Variants in COL25A1 observed in about 807,000 individuals in gnomAD.
COL25A1 encodes collagen alpha-1(XXV) chain.
COL25A1 carries 103 observed loss-of-function variants against 128.4 expected under a neutral mutation model. The ratio of observed to expected loss-of-function variants is 0.80; its 90% confidence interval spans 0.68 to 0.94. The LOEUF is 0.94. Ranked by LOEUF, COL25A1 falls within the 40% of genes least tolerant of loss-of-function variation. The pLI is 0.00. For missense variants in COL25A1, 745 were observed against 840.0 expected (o/e 0.89, Z 1.40); for synonymous variants, 279 against 277.2 (o/e 1.01, Z -0.06).
chr4:108,981,653 G>A (rs2125997338), intron 6 of COL25A1, among the ~76,000 whole-genome samples: 1 of 152,298 alleles, frequency 6.6e-6, no homozygotes, highest in South Asian at 2.1e-4. Context: ...GATGCAGATT[G>A]AAATCCTGGC....
rs761941625 is a variant in COL25A1 at position 108,940,631 on chromosome 4, C to T, written c.580G>A (p.Ala194Thr). ...GGGCCAGGGGGTCCTGGAGGCCCTG[C>T]CTGTCCTTGGTCACCCTGTGATGGA... Reference protein sequence around the residue: ...RRLIKGDQGQAGPPGPPGPPG... With the variant: ...RRLIKGDQGQTGPPGPPGPPG... Residue 194 changes from alanine (A) to threonine (T), a missense_variant, in exon 10 of 38, where the codon GCA becomes ACA. Ala to Thr is a moderately conservative substitution (Grantham distance 58). Around this residue, in one of 3 missense-constraint regions of COL25A1, gnomAD observed 319 missense variants for 324.9 expected, o/e 0.98. Coordinates refer to ENST00000399132, the MANE Select transcript of COL25A1 (RefSeq NM_198721.4). 14 of 1,598,516 alleles carry T rather than the reference C, an allele frequency of 8.8e-6. No individual in the cohort carries two copies. The highest frequency in any genetic ancestry group is 1.3e-5 in the African/African-American group (1 of 74,458).
chr4:108,831,701 A>C (rs1258802986), intron 32 of COL25A1, among the ~76,000 whole-genome samples: 1 of 151,884 alleles, frequency 6.6e-6, no homozygotes, highest in Non-Finnish European at 1.5e-5. Flanking sequence ...AGAGAGAGAG[A>C]GAGAGAGAGA....
intron 3 of COL25A1, among the ~76,000 whole-genome samples, chr4:109,167,367 T>C (rs1773166982): frequency 6.6e-6 from 1 of 152,148 alleles, no homozygotes; most frequent in African/African-American, 2.4e-5. Context: ...TCCTCTGTAT[T>C]TTGGTCTCTA....
At chr4:108,814,021 G>T in intron 37 of COL25A1, 92 bp from the exon 38 acceptor site, 1 of 1,019,982 alleles carries the variant, frequency 9.8e-7, no homozygotes, top group Non-Finnish European at 1.5e-6. Context: ...AAAACTGGTA[G>T]AACCTTGAAT....
intron 11 of COL25A1, among the ~76,000 whole-genome samples, chr4:108,929,686 G>A (rs527507731): frequency 1.5e-4 from 23 of 152,092 alleles, no homozygotes; most frequent in Admixed American, 1.3e-3. Context: ...AAACATCTGG[G>A]TATGGTGGTG....
intron 30 of COL25A1, among the ~76,000 whole-genome samples, chr4:108,843,148 C>CAAAAAA (rs540931971): frequency 2.3e-5 from 2 of 88,282 alleles, no homozygotes; most frequent in African/African-American, 4.6e-5. Flanking sequence ...GACCCTGTCT[C>CAAAAAA]AAAAAAAAAA....
chr4:109,021,796 G>T, intron 5 of COL25A1: 2 of 453,386 alleles, frequency 4.4e-6, no homozygotes, highest in South Asian at 3.1e-5. Context: ...ATAAACCACC[G>T]CTCTGGGAGT....
At chr4:109,177,205 G>C (rs1774182792) in intron 3 of COL25A1, among the ~76,000 whole-genome samples, 1 of 152,164 alleles carries the variant, frequency 6.6e-6, no homozygotes, top group Admixed American at 6.5e-5. Flanking sequence ...GCCTAGATCA[G>C]AAGCCCCATC....
At chr4:109,110,544 C>T (rs988339441) in intron 3 of COL25A1, among the ~76,000 whole-genome samples, 6 of 152,138 alleles carry the variant, frequency 3.9e-5, no homozygotes, top group African/African-American at 1.4e-4. Flanking sequence ...TCTCATATCA[C>T]TCCTGATCTC....
At chr4:108,827,107 G>A (rs373880665) in intron 33 of COL25A1, 28 bp downstream of exon 33, 2 of 1,606,580 alleles carry the variant, frequency 1.2e-6, no homozygotes, top group Non-Finnish European at 1.7e-6. Context: ...TGCGGAAGGT[G>A]GGGAGGTGCA....
intron 19 of COL25A1, among the ~76,000 whole-genome samples, chr4:108,878,146 GC>G (rs1739683470): frequency 6.6e-6 from 1 of 151,898 alleles, no homozygotes; most frequent in African/African-American, 2.4e-5. Flanking sequence ...ATTAGCTGTT[GC>G]CCATAGAAAA....
intron 6 of COL25A1, among the ~76,000 whole-genome samples, chr4:109,004,191 T>G (rs1755742019): frequency 6.6e-6 from 1 of 152,220 alleles, no homozygotes; most frequent in South Asian, 2.1e-4. Context: ...AATTTCATCC[T>G]ATGACTGTAA....
chr4:109,008,134 G>A (rs538701269), intron 6 of COL25A1, among the ~76,000 whole-genome samples: 2 of 152,334 alleles, frequency 1.3e-5, no homozygotes, highest in African/African-American at 4.8e-5. Flanking sequence ...TCTGCTCCAA[G>A]ACAGTGCTAG....
chr4:108,904,303 T>C (rs1402557899), intron 13 of COL25A1, among the ~76,000 whole-genome samples: 1 of 152,128 alleles, frequency 6.6e-6, no homozygotes. Context: ...GGAAAATATA[T>C]ACATACATGT....
chr4:109,008,992 G>C (rs1648017), intron 6 of COL25A1, among the ~76,000 whole-genome samples: 77,604 of 151,836 alleles, frequency 0.51, 22,574 homozygotes, highest in African/African-American at 0.78. Context: ...ATGGTGGCAG[G>C]TGGCCTGTAA....
chr4:109,292,816 A>G (rs569199974), intron 3 of COL25A1, among the ~76,000 whole-genome samples: 24 of 152,216 alleles, frequency 1.6e-4, no homozygotes, highest in Admixed American at 5.2e-4. Flanking sequence ...TTATTTAAGA[A>G]GCATTTTTCC....
chr4:108,951,679 C>T (rs1238788503), intron 8 of COL25A1, among the ~76,000 whole-genome samples: 1 of 152,208 alleles, frequency 6.6e-6, no homozygotes, highest in Non-Finnish European at 1.5e-5. Context: ...AGCCACCGCG[C>T]CCAGCCAAAA....
intron 3 of COL25A1, among the ~76,000 whole-genome samples, chr4:109,099,639 T>C (rs1242612248): frequency 6.7e-6 from 1 of 148,944 alleles, no homozygotes; most frequent in Admixed American, 6.7e-5. Flanking sequence ...AAAAGAAAAA[T>C]AAATAATACA....
rs866984189 is a variant in COL25A1, at chr4:109,068,050, G to A, written c.368-17871C>T. 1.2e-4 allele frequency among the ~76,000 whole-genome samples: 19 copies of A among 152,262 alleles called. 1 individual carries two copies. In the South Asian group the frequency reaches 2.5e-3, roughly 20 times the overall value. ...AATAACCAGAAGTCTACTGGGGTGCGTGCCATTGCTTTCGGTGGCTCCTCC... is the reference window on the plus strand; with the variant it reads ...AATAACCAGAAGTCTACTGGGGTGCATGCCATTGCTTTCGGTGGCTCCTCC... On this transcript the variant is annotated intron_variant, in intron 3 of 37. Coordinates refer to ENST00000399132, the MANE Select transcript of COL25A1 (RefSeq NM_198721.4).
Sources: allele counts gnomAD v4.1 joint callset (sites outside exome capture counted in the v4.1 genomes callset), GRCh38; gene constraint gnomAD v4.1.1; regional missense constraint gnomAD v4.1.1; transcripts MANE v1.5; gene names NCBI Gene and HGNC (gene_info 2026-07-23, HGNC 2026-07-21).